The following KCND2 variants were observed in gnomAD, a reference collection of about 807,000 sequenced individuals.
KCND2 encodes the protein potassium voltage-gated channel subfamily D member 2.
Under a neutral mutation model 54.4 loss-of-function variants are expected in KCND2, and 16 were observed. The ratio of observed to expected loss-of-function variants is 0.29; its 90% CI spans 0.20 to 0.45. The LOEUF (loss-of-function observed/expected upper bound fraction) is 0.45. KCND2 is among the 20% of genes least tolerant of loss of function. KCND2 has a pLI of 1.00. For synonymous variants in KCND2, 317 were observed against 310.7 expected (o/e 1.02, Z -0.21); for missense variants, 486 against 824.2 (o/e 0.59, Z 5.02).
At chr7:120,542,432 T>C (rs1229030970) in intron 1 of KCND2, among the ~76,000 whole-genome samples, 1 of 152,190 alleles carries the variant, frequency 6.6e-6, no homozygotes, top group Non-Finnish European at 1.5e-5. Context: ...TCTCCAAGTG[T>C]ATAAGTTTTC....
At chr7:120,431,429 G>A (rs1250640445) in intron 1 of KCND2, among the ~76,000 whole-genome samples, 2 of 152,174 alleles carry the variant, frequency 1.3e-5, no homozygotes, top group Non-Finnish European at 2.9e-5. Context: ...GTTATTGCAG[G>A]TAATTCAGTT....
chr7:120,521,369 G>A (rs1791689730), intron 1 of KCND2, among the ~76,000 whole-genome samples: 1 of 151,806 alleles, frequency 6.6e-6, no homozygotes, highest in Admixed American at 6.6e-5. Context: ...TTTCAAGTAT[G>A]CCTCTCATTC....
intron 1 of KCND2, among the ~76,000 whole-genome samples, chr7:120,458,075 C>A (rs960000394): frequency 2.0e-5 from 3 of 152,144 alleles, no homozygotes; most frequent in Non-Finnish European, 4.4e-5. Flanking sequence ...AACCAACTCA[C>A]TATCACAAGA....
At chr7:120,492,201 A>C (rs1802792378) in intron 1 of KCND2, among the ~76,000 whole-genome samples, 1 of 151,856 alleles carries the variant, frequency 6.6e-6, no homozygotes, top group Non-Finnish European at 1.5e-5. Flanking sequence ...ACACACACAC[A>C]CAAGTCTATG....
intron 1 of KCND2, among the ~76,000 whole-genome samples, chr7:120,605,506 T>C (rs1792871163): frequency 6.6e-6 from 1 of 152,246 alleles, no homozygotes; most frequent in Non-Finnish European, 1.5e-5. Context: ...GGGGCTATTA[T>C]GATAAATTCT....
At chr7:120,372,425 G>A (rs746301133) in intron 1 of KCND2, among the ~76,000 whole-genome samples, 1 of 151,336 alleles carries the variant, frequency 6.6e-6, no homozygotes, top group Admixed American at 6.6e-5. Context: ...AGTTCACTGG[G>A]CAATGAGCAA....
chr7:120,693,319 A>G (rs963348136), intron 1 of KCND2, among the ~76,000 whole-genome samples: 17 of 152,186 alleles, frequency 1.1e-4, no homozygotes, highest in African/African-American at 2.9e-4. Context: ...CGTACTTAAC[A>G]GGTATAATTC....
chr7:120,695,464 A>G (rs1006966978), intron 1 of KCND2, among the ~76,000 whole-genome samples: 6 of 152,188 alleles, frequency 3.9e-5, no homozygotes, highest in Non-Finnish European at 7.4e-5. Context: ...TTTGTGAAGG[A>G]GTGCCAGTGG....
chr7:120,711,428 C>T (rs934250759), intron 1 of KCND2, among the ~76,000 whole-genome samples: 2 of 152,090 alleles, frequency 1.3e-5, no homozygotes, highest in Non-Finnish European at 2.9e-5. Flanking sequence ...ATGCTTAAAG[C>T]AGTTTAACAT....
chr7:120,525,210 A>G (rs1249106055), intron 1 of KCND2, among the ~76,000 whole-genome samples: 4 of 152,184 alleles, frequency 2.6e-5, no homozygotes, highest in African/African-American at 7.2e-5. Flanking sequence ...TCAAGTTGCC[A>G]ATCACTTGAA....
chr7:120,606,293 C>T (rs1015320389), intron 1 of KCND2, among the ~76,000 whole-genome samples: 1 of 152,108 alleles, frequency 6.6e-6, no homozygotes, highest in Non-Finnish European at 1.5e-5. Context: ...ATTCAAAATA[C>T]AAATTTCTTA....
chr7:120,616,050 A>AAC (rs1303108179), intron 1 of KCND2, among the ~76,000 whole-genome samples: 1 of 152,126 alleles, frequency 6.6e-6, no homozygotes, highest in Admixed American at 6.6e-5. Context: ...TTCAGTGTAT[A>AAC]ACACAGTGCA....
At chr7:120,598,802 A>G (rs1792779649) in intron 1 of KCND2, among the ~76,000 whole-genome samples, 1 of 152,216 alleles carries the variant, frequency 6.6e-6, no homozygotes, top group Non-Finnish European at 1.5e-5. Flanking sequence ...TTTTAAAGAT[A>G]AATGTTTTAA....
At chr7:120,681,438 T>C (rs1440192125) in intron 1 of KCND2, among the ~76,000 whole-genome samples, 3 of 152,042 alleles carry the variant, frequency 2.0e-5, no homozygotes, top group African/African-American at 7.2e-5. Flanking sequence ...ACTAAACACA[T>C]GTGCTCTGTA....
chr7:120,698,398 C>G (rs1057114240), intron 1 of KCND2, among the ~76,000 whole-genome samples: 4 of 152,142 alleles, frequency 2.6e-5, no homozygotes, highest in African/African-American at 9.7e-5. Context: ...TTCTAAAACT[C>G]TTTGTGGCTC....
intron 1 of KCND2, among the ~76,000 whole-genome samples, chr7:120,507,230 A>C (rs1803037696): frequency 6.7e-6 from 1 of 149,372 alleles, no homozygotes; most frequent in Non-Finnish European, 1.5e-5. Flanking sequence ...CAGGATGGAG[A>C]AGCTAGATAT....
At chr7:120,421,227 C>A (rs1286594585) in intron 1 of KCND2, among the ~76,000 whole-genome samples, 1 of 152,208 alleles carries the variant, frequency 6.6e-6, no homozygotes, top group Non-Finnish European at 1.5e-5. Flanking sequence ...ACAATGTCAG[C>A]TGTCCTTTCT....
At chr7:120,339,836 C>T (rs1369950376) in intron 1 of KCND2, among the ~76,000 whole-genome samples, 1 of 152,202 alleles carries the variant, frequency 6.6e-6, no homozygotes, top group African/African-American at 2.4e-5. Context: ...AAAGTGGCAT[C>T]TGAGCAAAGA....
intron 1 of KCND2, among the ~76,000 whole-genome samples, chr7:120,602,339 G>C (rs904018198): frequency 2.0e-5 from 3 of 152,102 alleles, no homozygotes; most frequent in Non-Finnish European, 2.9e-5. Flanking sequence ...GCACCACTGA[G>C]CTTTAGTGTA....
Sources: allele counts gnomAD v4.1 joint callset (sites outside exome capture counted in the v4.1 genomes callset), GRCh38; gene constraint gnomAD v4.1.1; transcripts MANE v1.5; gene names NCBI Gene and HGNC (gene_info 2026-07-23, HGNC 2026-07-21).